CTDSPL2: variants seen among roughly 807,000 people sequenced by gnomAD.
CTDSPL2 encodes CTD small phosphatase-like protein 2.
A neutral mutation model predicts 60.0 loss-of-function variants in CTDSPL2; 5 were observed. The ratio of observed to expected loss-of-function variants is 0.08; its 90% CI spans 0.04 to 0.18. The LOEUF is 0.18. CTDSPL2 is among the 10% of genes least tolerant of loss of function. The pLI is 1.00. For synonymous variants in CTDSPL2, 186 were observed against 189.3 expected, an observed-to-expected ratio of 0.98 and a Z score of 0.14; for missense variants, 370 against 548.8, an observed-to-expected ratio of 0.67 and a Z score of 3.26.
intron 7 of CTDSPL2, among the ~76,000 whole-genome samples, chr15:44,499,419 A>C (rs1377426162): frequency 2.0e-5 from 3 of 152,110 alleles, no homozygotes; most frequent in African/African-American, 4.8e-5. Context: ...AATAAAAAAA[A>C]CACAGAGATT....
chr15:44,455,882 C>T (rs1228715828), intron 1 of CTDSPL2, among the ~76,000 whole-genome samples: 62 of 114,046 alleles, frequency 5.4e-4, no homozygotes, highest in South Asian at 1.9e-3. Flanking sequence ...GACGGAGTCT[C>T]GCTGTCGCCC....
At chr15:44,500,582 G>T (rs2081369159) in intron 8 of CTDSPL2, among the ~76,000 whole-genome samples, 1 of 152,196 alleles carries the variant, frequency 6.6e-6, no homozygotes, top group Admixed American at 6.6e-5. Flanking sequence ...TTTGTTGTCT[G>T]TCAAGAGGGA....
chr15:44,429,203 A>G (rs1416292331), intron 1 of CTDSPL2, among the ~76,000 whole-genome samples: 1 of 152,222 alleles, frequency 6.6e-6, no homozygotes, highest in Non-Finnish European at 1.5e-5. Context: ...AAGGTCATAA[A>G]GAAAGTCAAG....
intron 1 of CTDSPL2, among the ~76,000 whole-genome samples, chr15:44,450,779 A>G (rs370258478): frequency 1.2e-4 from 18 of 151,558 alleles, no homozygotes; most frequent in African/African-American, 3.9e-4. Context: ...TATTTTTTGT[A>G]GAGAAGGGGC....
chr15:44,448,162 G>A, intron 1 of CTDSPL2: 1 of 258,428 alleles, frequency 3.9e-6, no homozygotes, highest in South Asian at 4.0e-5. Context: ...GTGCTCAATG[G>A]TTTGGTCCAC....
intron 5 of CTDSPL2, among the ~76,000 whole-genome samples, chr15:44,491,396 T>G (rs1281763876): frequency 6.6e-6 from 1 of 152,138 alleles, no homozygotes; most frequent in East Asian, 1.9e-4. Flanking sequence ...ATCAATGACA[T>G]CCCCCCAAAA....
intron 5 of CTDSPL2, among the ~76,000 whole-genome samples, chr15:44,494,841 G>T (rs1051731015): frequency 2.0e-5 from 3 of 151,980 alleles, no homozygotes; most frequent in African/African-American, 4.8e-5. Flanking sequence ...GCTTGAACCG[G>T]TGAGGCGGAG....
chr15:44,448,946 G>T (rs2080277641), intron 1 of CTDSPL2: 2 of 413,000 alleles, frequency 4.8e-6, no homozygotes, highest in Non-Finnish European at 4.5e-6. Context: ...CCCAATCCAT[G>T]ATTTTTTTCA....
In CTDSPL2 at chr15:44,524,084, T is replaced by A. The variant is rs749958983; in HGVS notation, c.1336-25T>A. 6 of 1,604,280 alleles carry A rather than the reference T, an allele frequency of 3.7e-6. No homozygotes were observed. The South Asian group carries it at 6.6e-5, about 18-fold the overall frequency. ...ATATCTTTGAAATTTTATGCCTTTT[T>A]AAAAATTGTCTTTTTTCCACGCAGA... is the stretch of plus-strand genomic sequence containing the variant. On this transcript the variant is annotated intron_variant, in intron 12 of 12. Coordinates refer to ENST00000260327, the MANE Select transcript of CTDSPL2 (RefSeq NM_016396.3).
At chr15:44,514,242 G>T (rs1044414741) in intron 8 of CTDSPL2, among the ~76,000 whole-genome samples, 1 of 152,198 alleles carries the variant, frequency 6.6e-6, no homozygotes, top group Non-Finnish European at 1.5e-5. Context: ...ACAATAATTG[G>T]ATGGATGCTA....
rs527673597 is a variant in CTDSPL2 at position 44,525,766 on chromosome 15, G to T, written c.*1592G>T. ...GAAAACATTTAATTTTTGTATTTTT[G>T]ATTTTAAAGGCATGAGTTATGTCAA... is the stretch of plus-strand genomic sequence containing the variant. On this transcript the variant is annotated 3_prime_UTR_variant, in exon 13 of 13. Coordinates refer to ENST00000260327, the MANE Select transcript of CTDSPL2 (RefSeq NM_016396.3). The T allele has an allele frequency of 1.1e-5, 3 of 280,500 alleles. No individual in the cohort carries two copies. The highest frequency in any genetic ancestry group is 2.2e-5 in the African/African-American group (1 of 46,078). 17.4% of individuals were successfully genotyped at this position (280,500 alleles called of 1,614,324 possible).
intron 2 of CTDSPL2, among the ~76,000 whole-genome samples, chr15:44,476,015 T>C (rs2080908557): frequency 6.6e-6 from 1 of 152,206 alleles, no homozygotes; most frequent in South Asian, 2.1e-4. Flanking sequence ...AAATCACAGC[T>C]CTTCTTACCT....
At chr15:44,458,400 A>G (rs16964045) in intron 1 of CTDSPL2, among the ~76,000 whole-genome samples, 1,812 of 152,322 alleles carry the variant, frequency 0.012, 42 homozygotes, top group East Asian at 0.095. Flanking sequence ...TCTGATGTGA[A>G]TCGTTTTAAA....
At chr15:44,458,707 A>G (rs2080499839) in intron 1 of CTDSPL2, among the ~76,000 whole-genome samples, 1 of 152,222 alleles carries the variant, frequency 6.6e-6, no homozygotes, top group African/African-American at 2.4e-5. Flanking sequence ...AGTATTATGT[A>G]AAGAGCATGC....
chr15:44,443,335 T>A (rs907690643), intron 1 of CTDSPL2, among the ~76,000 whole-genome samples: 4 of 152,214 alleles, frequency 2.6e-5, no homozygotes, highest in African/African-American at 4.8e-5. Flanking sequence ...TGCATCCACC[T>A]TTTAGCTATT....
chr15:44,462,486 A>G (rs960908195), intron 2 of CTDSPL2, among the ~76,000 whole-genome samples: 1 of 152,052 alleles, frequency 6.6e-6, no homozygotes, highest in Non-Finnish European at 1.5e-5. Context: ...TAAGGAGCAC[A>G]CAGTGTAGAT....
At chr15:44,445,487 G>A (rs1165691353) in intron 1 of CTDSPL2, among the ~76,000 whole-genome samples, 1 of 152,056 alleles carries the variant, frequency 6.6e-6, no homozygotes, top group East Asian at 1.9e-4. Flanking sequence ...ACTGTACCTG[G>A]CCTAGGTTCT....
At chr15:44,456,024 G>A (rs112236515) in intron 1 of CTDSPL2, among the ~76,000 whole-genome samples, 1 of 150,914 alleles carries the variant, frequency 6.6e-6, no homozygotes, top group Admixed American at 6.6e-5. Context: ...CTAATTTTTT[G>A]TATTTTTAGT....
At chr15:44,466,504 T>G (rs2080694596) in intron 2 of CTDSPL2, among the ~76,000 whole-genome samples, 1 of 152,212 alleles carries the variant, frequency 6.6e-6, no homozygotes, top group African/African-American at 2.4e-5. Context: ...CATGTGTCAC[T>G]TGACAATCTG....
Sources: gnomAD v4.1 joint callset for allele counts (sites outside exome capture counted in the v4.1 genomes callset) on GRCh38, gnomAD v4.1.1 for gene constraint, MANE v1.5 for transcripts, NCBI Gene and HGNC (gene_info 2026-07-23, HGNC 2026-07-21) for gene names.